Variants in USH2A observed in about 807,000 individuals in gnomAD.
The protein encoded by USH2A is usherin.
USH2A carries 443 observed loss-of-function variants against 538.9 expected under a neutral mutation model. The ratio of observed to expected loss-of-function variants is 0.82; its 90% confidence interval spans 0.76 to 0.89. USH2A has a LOEUF of 0.89. Ranked by LOEUF, USH2A falls within the 40% of genes least tolerant of loss-of-function variation. USH2A has a pLI of 0.00. For synonymous variants in USH2A, 2,413 were observed against 2,273.5 expected (o/e 1.06, Z -1.75); for missense variants, 6,633 against 6,324.8 (o/e 1.05, Z -1.65).
At chr1:215,940,644 T>C (rs369268129) in intron 37 of USH2A, among the ~76,000 whole-genome samples, 26 of 152,090 alleles carry the variant, frequency 1.7e-4, no homozygotes, top group African/African-American at 5.8e-4. Flanking sequence ...AGCTGTCTTC[T>C]CCACAGGATA....
intron 61 of USH2A, among the ~76,000 whole-genome samples, chr1:215,699,852 A>T (rs2102688791): frequency 6.6e-6 from 1 of 152,248 alleles, no homozygotes; most frequent in African/African-American, 2.4e-5. Flanking sequence ...TGTTGAATAG[A>T]AATGGTGAGA....
intron 4 of USH2A, among the ~76,000 whole-genome samples, chr1:216,339,571 A>G (rs1383777812): frequency 6.6e-6 from 1 of 151,648 alleles, no homozygotes; most frequent in Non-Finnish European, 1.5e-5. Context: ...AAAATCACTG[A>G]TATTTTAAAA....
At chr1:215,940,383 C>A (rs1351612060) in intron 37 of USH2A, among the ~76,000 whole-genome samples, 2 of 152,058 alleles carry the variant, frequency 1.3e-5, no homozygotes, top group Non-Finnish European at 2.9e-5. Context: ...AATTTCAGGT[C>A]TCTCTATATA....
At chr1:216,266,171 A>G (rs184722478) in intron 11 of USH2A, among the ~76,000 whole-genome samples, 1 of 152,216 alleles carries the variant, frequency 6.6e-6, no homozygotes, top group East Asian at 1.9e-4. Context: ...ATCCCATAAT[A>G]GGTATAAATA....
At chr1:216,351,532 G>C (rs1181854282) in intron 4 of USH2A, among the ~76,000 whole-genome samples, 2 of 152,208 alleles carry the variant, frequency 1.3e-5, no homozygotes, top group African/African-American at 4.8e-5. Context: ...AGCCAGAGAA[G>C]TAACTGCTGT....
chr1:215,629,773 CTT>C (rs34349385), intron 70 of USH2A, among the ~76,000 whole-genome samples: 1 of 125,044 alleles, frequency 8.0e-6, no homozygotes, highest in Non-Finnish European at 1.7e-5. Context: ...CTTTTCTTTT[CTT>C]TTTTTTTTTT....
At chr1:215,974,240 CAG>C (rs1161632554) in intron 35 of USH2A, among the ~76,000 whole-genome samples, 1 of 152,124 alleles carries the variant, frequency 6.6e-6, no homozygotes, top group African/African-American at 2.4e-5. Flanking sequence ...GATTCCTAAA[CAG>C]AGTAACAAAA....
chr1:216,270,161 A>G (rs1476619701), intron 11 of USH2A, among the ~76,000 whole-genome samples: 3 of 152,076 alleles, frequency 2.0e-5, no homozygotes, highest in African/African-American at 7.2e-5. Flanking sequence ...ATGTCTTTCT[A>G]TGCACTCATC....
At chr1:215,637,492 G>C (rs1485837555) in intron 69 of USH2A, among the ~76,000 whole-genome samples, 1 of 152,180 alleles carries the variant, frequency 6.6e-6, no homozygotes, top group Non-Finnish European at 1.5e-5. Flanking sequence ...AGCTAGCAGA[G>C]CATTCCTGGA....
At chr1:215,716,200 G>A (rs1558066874) in intron 61 of USH2A, among the ~76,000 whole-genome samples, 1 of 152,150 alleles carries the variant, frequency 6.6e-6, no homozygotes, top group Non-Finnish European at 1.5e-5. Context: ...GTGGAAGGGG[G>A]GCGGGGGGGC....
intron 48 of USH2A, among the ~76,000 whole-genome samples, chr1:215,815,584 C>T (rs1662835357): frequency 1.3e-5 from 2 of 152,016 alleles, no homozygotes; most frequent in Admixed American, 1.3e-4. Context: ...GAAATCACAG[C>T]ATAAAGAAAG....
intron 61 of USH2A, among the ~76,000 whole-genome samples, chr1:215,686,501 T>C (rs759432438): frequency 6.6e-6 from 1 of 151,984 alleles, no homozygotes; most frequent in Non-Finnish European, 1.5e-5. Context: ...ATAGTAGGGA[T>C]TGTGGCTGGA....
chr1:216,415,206 C>G (rs917320260), intron 3 of USH2A, among the ~76,000 whole-genome samples: 4 of 152,052 alleles, frequency 2.6e-5, no homozygotes, highest in African/African-American at 9.7e-5. Flanking sequence ...CTACACTCCA[C>G]ACTCCACTTA....
chr1:215,917,991 G>A (rs770338790), intron 38 of USH2A, among the ~76,000 whole-genome samples: 38 of 151,660 alleles, frequency 2.5e-4, no homozygotes, highest in African/African-American at 4.1e-4. Flanking sequence ...GACTGAGGTC[G>A]TGTAGAAAAT....
At chr1:215,667,796 G>A (rs576866584) in intron 64 of USH2A, among the ~76,000 whole-genome samples, 2 of 152,144 alleles carry the variant, frequency 1.3e-5, no homozygotes, top group South Asian at 2.1e-4. Context: ...TTCTATCACT[G>A]GCCAACTGAT....
chr1:215,798,971 C>A lies in USH2A; in HGVS notation c.9894G>T (p.Gln3298His). The change falls in exon 50 of 72, where the codon CAG becomes CAT. Residue 3298 changes from glutamine to histidine, a missense_variant. Transcript: ENST00000307340. ...DGHGQKCCGR[Q>H]IVSNDLECCG... ...AACACTCTAAATCGTTGCTCACAAT[C>A]TGTCTGCCACAGCACTTCTGGCCAT... 1 of 1,614,160 alleles carries A rather than the reference C, an allele frequency of 6.2e-7. No individual in the cohort carries two copies. The highest frequency in any genetic ancestry group is 8.5e-7 in the Non-Finnish European group (1 of 1,180,004).
intron 4 of USH2A, among the ~76,000 whole-genome samples, chr1:216,352,028 T>C (rs2038297167): frequency 6.6e-6 from 1 of 152,190 alleles, no homozygotes; most frequent in Non-Finnish European, 1.5e-5. Flanking sequence ...GTAAGTTTAA[T>C]TTTGAAATGT....
chr1:216,010,257 C>T (rs375213369), intron 32 of USH2A, among the ~76,000 whole-genome samples: 119 of 152,296 alleles, frequency 7.8e-4, no homozygotes, highest in African/African-American at 2.5e-3. Flanking sequence ...TCCTCCAGAA[C>T]CTCCTCCTCC....
intron 4 of USH2A, among the ~76,000 whole-genome samples, chr1:216,339,925 C>T (rs1391902735): frequency 6.6e-6 from 1 of 151,652 alleles, no homozygotes; most frequent in Non-Finnish European, 1.5e-5. Flanking sequence ...ATTAAAAGAA[C>T]TAGAGAAGCA....
Sources: gnomAD v4.1 joint callset for allele counts (sites outside exome capture counted in the v4.1 genomes callset) on GRCh38, gnomAD v4.1.1 for gene constraint, MANE v1.5 for transcripts, NCBI Gene and HGNC (gene_info 2026-07-23, HGNC 2026-07-21) for gene names.